Variants in CTNND2 observed in about 807,000 individuals in gnomAD.
CTNND2 encodes the protein catenin delta-2.
In CTNND2, 22 loss-of-function variants were observed where a neutral mutation model predicts 144.4. The ratio of observed to expected loss-of-function variants is 0.15; its 90% CI spans 0.11 to 0.22. The LOEUF (loss-of-function observed/expected upper bound fraction) is 0.22. Among genes scored for constraint, CTNND2 ranks in the 10% least tolerant of loss-of-function variants. The pLI, the probability that CTNND2 is intolerant of heterozygous loss-of-function variation, is 1.00. For missense variants in CTNND2, 1,353 were observed against 1,618.8 expected (o/e 0.84, Z 2.82); for synonymous variants, 751 against 695.6 (o/e 1.08, Z -1.25).
chr5:11,726,640 T>C (rs1199319680), intron 2 of CTNND2, among the ~76,000 whole-genome samples: 1 of 152,182 alleles, frequency 6.6e-6, no homozygotes, highest in Non-Finnish European at 1.5e-5. Context: ...CAATGAGTTG[T>C]AGTAATAAAT....
In CTNND2 at chr5:11,384,761, G is replaced by C. The variant is rs2149799171; in HGVS notation, c.1081C>G (p.Pro361Ala). 1.2e-6 allele frequency: 2 copies of C among 1,613,070 alleles called. No homozygotes were observed. Among genetic ancestry groups the C allele is most frequent in the South Asian group, 1.1e-5 (1 of 90,872 alleles). ...GACGCGTGGACCAGGCGCTTGGTGG[G>C]CGACAGGGTGGCGTACGTGCCGATG... ...STIGTYATLS[P>A]TKRLVHASEQ... The change falls in exon 7 of 22, where the codon CCC becomes GCC. Residue 361 changes from proline to alanine, a missense_variant. By Grantham distance (27) the Pro-to-Ala change is conservative. This residue lies in a region of CTNND2 where 708 missense variants were observed against 706.4 expected (regional missense o/e 1.00). Coordinates refer to ENST00000304623, the MANE Select transcript of CTNND2 (RefSeq NM_001332.4). This position sits in a 1 kb window ranked among gnomAD's most constrained non-coding sequence, Gnocchi z 5.2.
At chr5:11,290,311 T>C (rs1748195425) in intron 9 of CTNND2, among the ~76,000 whole-genome samples, 2 of 152,208 alleles carry the variant, frequency 1.3e-5, no homozygotes, top group African/African-American at 4.8e-5. Context: ...ATTATGCTTA[T>C]AACTACCTAT....
At chr5:11,418,951 A>T (rs927796530) in intron 3 of CTNND2, among the ~76,000 whole-genome samples, 2 of 151,822 alleles carry the variant, frequency 1.3e-5, no homozygotes, top group African/African-American at 4.8e-5. Context: ...TGAATAAACA[A>T]TATTGTTTAT....
chr5:11,084,319 G>A (rs1749908596), intron 15 of CTNND2, among the ~76,000 whole-genome samples: 1 of 152,124 alleles, frequency 6.6e-6, no homozygotes, highest in Non-Finnish European at 1.5e-5. Flanking sequence ...AATTTCCATC[G>A]ATGCATTTAA....
At chr5:11,473,409 G>A (rs923486381) in intron 3 of CTNND2, among the ~76,000 whole-genome samples, 1 of 152,130 alleles carries the variant, frequency 6.6e-6, no homozygotes, top group Non-Finnish European at 1.5e-5. Context: ...AAAGACATAA[G>A]CAACACATGG....
At chr5:11,368,993 C>A (rs780437873) in intron 7 of CTNND2, among the ~76,000 whole-genome samples, 1 of 152,180 alleles carries the variant, frequency 6.6e-6, no homozygotes, top group Non-Finnish European at 1.5e-5. Flanking sequence ...GCAAATATAT[C>A]TTTTGATTTG....
At chr5:11,103,175 T>C (rs1752087179) in intron 14 of CTNND2, among the ~76,000 whole-genome samples, 1 of 151,074 alleles carries the variant, frequency 6.6e-6, no homozygotes, top group Non-Finnish European at 1.5e-5. Flanking sequence ...AGAGACGGGG[T>C]TTCGCCATGT....
At chr5:11,782,465 AG>A (rs1371353167) in intron 1 of CTNND2, among the ~76,000 whole-genome samples, 4 of 152,244 alleles carry the variant, frequency 2.6e-5, no homozygotes, top group Non-Finnish European at 5.9e-5. Flanking sequence ...AGGGCAATAA[AG>A]GTCTGAGAAA....
chr5:11,265,235 G>A (rs1745316459), intron 9 of CTNND2, among the ~76,000 whole-genome samples: 1 of 152,178 alleles, frequency 6.6e-6, no homozygotes, highest in South Asian at 2.1e-4. Flanking sequence ...GAACATTAGT[G>A]TCTCAAACAA....
Position 11,384,444 on chromosome 5 carries a change from T to C in CTNND2, c.1177+221A>G, listed in dbSNP as rs1412692103. 1 of 579,030 alleles carries C rather than the reference T, an allele frequency of 1.7e-6. No individual in the cohort carries two copies. Among genetic ancestry groups the C allele is most frequent in the African/African-American group, 1.9e-5 (1 of 53,210 alleles). The allele number at this position is 579,030 out of a possible 1,614,324, so 35.9% of individuals were successfully genotyped here. A position where few individuals can be genotyped will look rare whatever the true frequency, so the allele number is the denominator to read the frequency against. On this transcript the variant is annotated intron_variant, in intron 7 of 21. Transcript: ENST00000304623. The surrounding 1 kb of genome is among the most constrained non-coding windows in gnomAD (Gnocchi z 5.2). Reference sequence around the variant, plus strand: ...GGAGAGAAGAGAGTGATATAGGTGTTAGAGATTGAGACACCACATTACTCC... The same window carrying C: ...GGAGAGAAGAGAGTGATATAGGTGTCAGAGATTGAGACACCACATTACTCC...
chr5:11,713,806 A>C (rs956772014), intron 2 of CTNND2, among the ~76,000 whole-genome samples: 3 of 152,120 alleles, frequency 2.0e-5, no homozygotes, highest in Non-Finnish European at 2.9e-5. Context: ...GAAATATGTC[A>C]TGGATTTGAA....
At position 11,385,200 on chromosome 5, in the gene CTNND2, C is replaced by T. The variant is rs1758957508; in HGVS notation, c.642G>A (p.Ala214=). ...GCGGCGGCGGCGCGGGCTCGGGCCCCGCCAGGTGGCCGGCGCGGCTGGTCG... is the reference window on the plus strand; with the variant it reads ...GCGGCGGCGGCGCGGGCTCGGGCCCTGCCAGGTGGCCGGCGCGGCTGGTCG... ...QGTTSRAGHL[A]GPEPAPPPPP... is the part of the protein sequence containing the mutation. Residue 214 remains alanine, a synonymous_variant, in exon 7 of 22, where the codon GCG becomes GCA. Transcript: ENST00000304623. The T allele has an allele frequency of 3.8e-6, 4 of 1,053,494 alleles. No homozygotes were observed. Among genetic ancestry groups the T allele is most frequent in the Non-Finnish European group, 4.6e-6 (4 of 875,724 alleles). 65.3% of individuals were successfully genotyped at this position (1,053,494 alleles called of 1,614,324 possible). A position where few individuals can be genotyped will look rare whatever the true frequency, so the allele number is the denominator to read the frequency against.
At chr5:11,686,613 A>T (rs1301638744) in intron 2 of CTNND2, among the ~76,000 whole-genome samples, 2 of 152,092 alleles carry the variant, frequency 1.3e-5, no homozygotes, top group African/African-American at 2.4e-5. Context: ...ATCAAAGTAT[A>T]GGTCTTGCTG....
chr5:11,537,089 C>G (rs961722977), intron 3 of CTNND2, among the ~76,000 whole-genome samples: 1 of 151,604 alleles, frequency 6.6e-6, no homozygotes, highest in Admixed American at 6.6e-5. Context: ...TCTAGTAACC[C>G]CTCCAATCAT....
intron 12 of CTNND2, among the ~76,000 whole-genome samples, chr5:11,147,239 G>C (rs1033702120): frequency 7.2e-5 from 11 of 152,208 alleles, no homozygotes; most frequent in Non-Finnish European, 1.2e-4. Flanking sequence ...TCCAAATTGT[G>C]AGAAGTTCTG....
At chr5:11,000,541 C>G (rs867816948) in intron 18 of CTNND2, among the ~76,000 whole-genome samples, 3 of 152,118 alleles carry the variant, frequency 2.0e-5, no homozygotes, top group Non-Finnish European at 2.9e-5. Flanking sequence ...AAAATGTGCA[C>G]GACATTCAGT....
chr5:11,211,132 T>G (rs1294941700), intron 10 of CTNND2, among the ~76,000 whole-genome samples: 2 of 151,884 alleles, frequency 1.3e-5, no homozygotes, highest in East Asian at 3.9e-4. Context: ...GAAGAAAGGA[T>G]AAATAGGGTG....
intron 16 of CTNND2, among the ~76,000 whole-genome samples, chr5:11,082,280 A>G (rs1749654755): frequency 6.6e-6 from 1 of 152,234 alleles, no homozygotes; most frequent in Non-Finnish European, 1.5e-5. Flanking sequence ...AAAGAGAGAT[A>G]ATTTCTTAAA....
At chr5:11,225,610 C>A (rs928482038) in intron 10 of CTNND2, among the ~76,000 whole-genome samples, 1 of 152,160 alleles carries the variant, frequency 6.6e-6, no homozygotes, top group Non-Finnish European at 1.5e-5. Flanking sequence ...CCAAAAAGCA[C>A]TCCCAGCTCC....
Sources: gnomAD v4.1 joint callset for allele counts (sites outside exome capture counted in the v4.1 genomes callset) on GRCh38, gnomAD v4.1.1 for gene constraint, gnomAD v4.1.1 regional missense constraint, Gnocchi (gnomAD v3.1) non-coding constraint, MANE v1.5 for transcripts, NCBI Gene and HGNC (gene_info 2026-07-23, HGNC 2026-07-21) for gene names.